The following RGS7 variants were observed in gnomAD, a reference collection of about 807,000 sequenced individuals.
The protein encoded by RGS7 is regulator of G-protein signaling 7.
Under a neutral mutation model 81.1 loss-of-function variants are expected in RGS7, and 27 were observed. The observed-to-expected ratio is 0.33, with a 90% CI of 0.25 to 0.46. RGS7 has a LOEUF of 0.46. RGS7 is among the 20% of genes least tolerant of loss of function. RGS7 has a pLI of 1.00. For synonymous variants in RGS7, 208 were observed against 207.7 expected, an observed-to-expected ratio of 1.00 and a Z score of -0.01; for missense variants, 396 against 607.4, an observed-to-expected ratio of 0.65 and a Z score of 3.66.
intron 2 of RGS7, among the ~76,000 whole-genome samples, chr1:241,244,358 T>G (rs2076413399): frequency 6.6e-6 from 1 of 151,958 alleles, no homozygotes; most frequent in African/African-American, 2.4e-5. Flanking sequence ...CATGAAAAAA[T>G]GCTCATCACC....
chr1:240,779,754 T>C lies in RGS7; in HGVS notation c.*7-3541A>G, dbSNP rs1450517388. 2.6e-5 allele frequency among the ~76,000 whole-genome samples: 4 copies of C among 152,214 alleles called. No individual in the cohort carries two copies. The East Asian group carries it at 7.7e-4, about 29-fold the overall frequency. ...AAAATGAGGATAATAATAGTACTTA[T>C]TTTCAAATTTTGTTGTGAAGAATGA... On this transcript the variant is annotated intron_variant, in intron 18 of 18. Coordinates refer to ENST00000440928, the MANE Select transcript of RGS7 (RefSeq NM_001364886.1).
At chr1:241,315,798 A>G (rs1426796318) in intron 2 of RGS7, among the ~76,000 whole-genome samples, 2 of 152,158 alleles carry the variant, frequency 1.3e-5, no homozygotes, top group African/African-American at 2.4e-5. Context: ...AAAAGCTTTC[A>G]GTTTTTTACC....
chr1:241,083,674 T>TA (rs1269013896), intron 3 of RGS7, among the ~76,000 whole-genome samples: 2 of 152,248 alleles, frequency 1.3e-5, no homozygotes, highest in African/African-American at 4.8e-5. Context: ...TAATGAACTT[T>TA]AAGAACTACC....
chr1:240,943,966 T>A (rs539239346), intron 4 of RGS7, among the ~76,000 whole-genome samples: 1 of 152,030 alleles, frequency 6.6e-6, no homozygotes, highest in Non-Finnish European at 1.5e-5. Context: ...AAAATCGACA[T>A]TAAAATAATA....
intron 2 of RGS7, among the ~76,000 whole-genome samples, chr1:241,333,100 C>T (rs112522184): frequency 0.018 from 2,804 of 152,338 alleles, 86 homozygotes; most frequent in African/African-American, 0.062. Context: ...GGAAAAGCAG[C>T]TGTTGTAGTT....
intron 2 of RGS7, among the ~76,000 whole-genome samples, chr1:241,220,977 GGAAGGAAGGAAGGAAGGA>G (rs1221354392): frequency 1.4e-5 from 1 of 74,060 alleles, no homozygotes; most frequent in East Asian, 6.4e-4. Flanking sequence ...AAGGAAGGAA[GGAAGGAAGGAAGGAAGGA>G]AGAGAGAGAG....
chr1:241,143,571 C>T (rs2068084347), intron 2 of RGS7, among the ~76,000 whole-genome samples: 1 of 152,128 alleles, frequency 6.6e-6, no homozygotes, highest in South Asian at 2.1e-4. Flanking sequence ...GAAAGACCTG[C>T]CCCCATGATT....
intron 18 of RGS7, among the ~76,000 whole-genome samples, chr1:240,793,041 T>C (rs550161344): frequency 2.0e-5 from 3 of 152,256 alleles, no homozygotes; most frequent in Admixed American, 6.5e-5. Context: ...TTCATATTCA[T>C]TGGAACACAA....
chr1:241,205,863 G>T (rs556615885), intron 2 of RGS7, among the ~76,000 whole-genome samples: 18 of 152,294 alleles, frequency 1.2e-4, no homozygotes, highest in Non-Finnish European at 1.9e-4. Flanking sequence ...AGGGTAAAGA[G>T]TCTTGGTAAT....
intron 2 of RGS7, among the ~76,000 whole-genome samples, chr1:241,138,963 G>A (rs891751204): frequency 2.0e-5 from 3 of 151,950 alleles, no homozygotes; most frequent in Admixed American, 2.0e-4. Context: ...CAGGACCAAC[G>A]AGAAGGGAGA....
intron 2 of RGS7, among the ~76,000 whole-genome samples, chr1:241,282,915 T>C (rs914087304): frequency 2.6e-5 from 4 of 152,198 alleles, no homozygotes; most frequent in Admixed American, 6.5e-5. Context: ...CTTCACCTCC[T>C]ATCTGCTTAT....
At chr1:240,789,441 G>A (rs1685602236) in intron 18 of RGS7, among the ~76,000 whole-genome samples, 1 of 152,220 alleles carries the variant, frequency 6.6e-6, no homozygotes, top group South Asian at 2.1e-4. Flanking sequence ...CTGCTGGTGA[G>A]CCAGGCAGAA....
chr1:241,001,800 T>C (rs918434415), intron 3 of RGS7, among the ~76,000 whole-genome samples: 1 of 152,162 alleles, frequency 6.6e-6, no homozygotes, highest in Non-Finnish European at 1.5e-5. Context: ...AGGTAGAGCA[T>C]AGAGGATTGT....
At chr1:241,351,335 C>T (rs934283844) in intron 2 of RGS7, among the ~76,000 whole-genome samples, 7 of 151,918 alleles carry the variant, frequency 4.6e-5, no homozygotes, top group Admixed American at 1.3e-4. Flanking sequence ...GGGAGGATAG[C>T]TTGAGCCTAG....
At chr1:241,180,968 C>T (rs188272762) in intron 2 of RGS7, among the ~76,000 whole-genome samples, 1 of 152,350 alleles carries the variant, frequency 6.6e-6, no homozygotes, top group East Asian at 1.9e-4. Flanking sequence ...AGGCTACCTA[C>T]TGTATGATTC....
chr1:240,831,803 T>C (rs1693903004), intron 9 of RGS7, among the ~76,000 whole-genome samples: 1 of 151,948 alleles, frequency 6.6e-6, no homozygotes, highest in Admixed American at 6.6e-5. Flanking sequence ...ACCCAGCTAA[T>C]TTTTTGTATT....
chr1:240,987,456 A>G (rs1685830497), intron 3 of RGS7, among the ~76,000 whole-genome samples: 1 of 152,178 alleles, frequency 6.6e-6, no homozygotes, highest in Non-Finnish European at 1.5e-5. Context: ...AGTGCTGACA[A>G]TACAAATATT....
At chr1:241,154,651 T>C (rs1363704232) in intron 2 of RGS7, among the ~76,000 whole-genome samples, 1 of 152,240 alleles carries the variant, frequency 6.6e-6, no homozygotes, top group Non-Finnish European at 1.5e-5. Context: ...AGGTGCGAGA[T>C]AATTAGAACC....
chr1:241,323,796 CCA>C (rs1171758911), intron 2 of RGS7, among the ~76,000 whole-genome samples: 1 of 152,166 alleles, frequency 6.6e-6, no homozygotes, highest in Non-Finnish European at 1.5e-5. Flanking sequence ...AACTCCAATT[CCA>C]CAGAGTCACA....
Sources: allele counts gnomAD v4.1 joint callset (sites outside exome capture counted in the v4.1 genomes callset), GRCh38; gene constraint gnomAD v4.1.1; transcripts MANE v1.5; gene names NCBI Gene and HGNC (gene_info 2026-07-23, HGNC 2026-07-21).